Variants in CD55 observed in about 807,000 individuals in gnomAD.
The protein encoded by CD55 is complement decay-accelerating factor.
In CD55, 41 loss-of-function variants were observed where a neutral mutation model predicts 45.8. That is an observed-to-expected ratio of 0.90 (90% CI 0.70 to 1.16). The LOEUF (loss-of-function observed/expected upper bound fraction) is 1.16. Ranked by LOEUF, CD55 falls within the 50% of genes most tolerant of loss-of-function variation. The pLI is 0.00. For missense variants in CD55, 416 were observed against 469.8 expected (o/e 0.89, Z 1.06); for synonymous variants, 181 against 181.1 (o/e 1.00, Z 0.01).
At chr1:207,326,721 C>G in intron 4 of CD55, 31 bp from the exon 5 acceptor site, 1 of 1,534,392 alleles carries the variant, frequency 6.5e-7, no homozygotes, top group Non-Finnish European at 9.0e-7. Context: ...GTGAATGTAA[C>G]AAACTCTTTT....
intron 7 of CD55, 55 bp downstream of exon 7, chr1:207,336,873 C>A: frequency 6.2e-7 from 1 of 1,603,770 alleles, no homozygotes; most frequent in Non-Finnish European, 8.5e-7. Context: ...GTTTCAGCTA[C>A]AAGAACCCCA....
At chr1:207,357,006 G>A (rs1656102333) in intron 9 of CD55, among the ~76,000 whole-genome samples, 1 of 152,080 alleles carries the variant, frequency 6.6e-6, no homozygotes, top group African/African-American at 2.4e-5. Context: ...ATTTAATGCT[G>A]TTATTAAATT....
chr1:207,348,449 T>G (rs1655735399), intron 9 of CD55, among the ~76,000 whole-genome samples: 1 of 152,256 alleles, frequency 6.6e-6, no homozygotes, highest in African/African-American at 2.4e-5. Flanking sequence ...TTTAAGTTCC[T>G]TAGAGATTTT....
intron 9 of CD55, among the ~76,000 whole-genome samples, chr1:207,345,164 G>A (rs932004101): frequency 4.6e-5 from 7 of 152,064 alleles, no homozygotes; most frequent in Non-Finnish European, 8.8e-5. Context: ...CACCTTCTGA[G>A]ACTCCTAAAA....
At chr1:207,323,193 G>GAT (rs140125684) in intron 2 of CD55, among the ~76,000 whole-genome samples, 74 of 149,324 alleles carry the variant, frequency 5.0e-4, no homozygotes, top group Middle Eastern at 7.0e-3. Context: ...ATATAATTGG[G>GAT]ATATATATAT....
chr1:207,326,409 A>G (rs1173546797), intron 4 of CD55, among the ~76,000 whole-genome samples: 2 of 152,212 alleles, frequency 1.3e-5, no homozygotes, highest in Non-Finnish European at 2.9e-5. Flanking sequence ...TTTAAATATA[A>G]GTACATTCTA....
chr1:207,357,564 C>T (rs1286948053), intron 9 of CD55, among the ~76,000 whole-genome samples: 1 of 1,580 alleles, frequency 6.3e-4, no homozygotes, highest in East Asian at 0.016. Flanking sequence ...GGAGACTGGG[C>T]GGGGGAGGGC....
intron 7 of CD55, 78 bp from the exon 8 acceptor site, chr1:207,337,250 CG>C: frequency 1.1e-6 from 1 of 918,226 alleles, no homozygotes. Flanking sequence ...TTCAGCAGCA[CG>C]TAAGTCCACT....
intron 9 of CD55, among the ~76,000 whole-genome samples, chr1:207,348,161 G>A (rs28739007): frequency 0.015 from 2,299 of 152,258 alleles, 32 homozygotes; most frequent in Middle Eastern, 0.031. Flanking sequence ...TTCCACAGAG[G>A]CTGAACTAAT....
chr1:207,353,959 A>G (rs1572902427), intron 9 of CD55: 13 of 1,517,412 alleles, frequency 8.6e-6, no homozygotes, highest in South Asian at 2.4e-5. Flanking sequence ...AAACCTTTCC[A>G]TAACTTTTTG....
At position 207,337,385 on chromosome 1, in the gene CD55, A is replaced by C; in HGVS notation, c.1036A>C (p.Asn346His). The C allele has an allele frequency of 6.2e-7, 1 of 1,608,050 alleles. No individual in the cohort carries two copies. The highest frequency in any genetic ancestry group is 8.5e-7 in the Non-Finnish European group (1 of 1,174,512). Residue 346 changes from asparagine to histidine, a missense_variant, in exon 8 of 10, where the codon AAT (asparagine) becomes CAT (histidine). Asn to His is a moderately conservative substitution (Grantham distance 68). Around this residue, in one of 3 missense-constraint regions of CD55, gnomAD observed 182 missense variants for 201.4 expected, o/e 0.90. Transcript: ENST00000367064. Reference sequence around the variant, plus strand: ...CAAGCATTTTCATGAAACAACCCCAAATAAAGGAAGTGGAACCACTTCAGG... The same window carrying C: ...CAAGCATTTTCATGAAACAACCCCACATAAAGGAAGTGGAACCACTTCAGG... ...TTKHFHETTP[N>H]KGSGTTSGTT... is the part of the protein sequence containing the mutation.
At chr1:207,334,887 A>G (rs1655100581) in intron 6 of CD55, among the ~76,000 whole-genome samples, 1 of 120,392 alleles carries the variant, frequency 8.3e-6, no homozygotes, top group African/African-American at 3.1e-5. Context: ...ACTTAAAAAG[A>G]TTTTAAAAAG....
At chr1:207,350,721 T>G (rs1276755367) in intron 9 of CD55, among the ~76,000 whole-genome samples, 1 of 152,158 alleles carries the variant, frequency 6.6e-6, no homozygotes, top group African/African-American at 2.4e-5. Flanking sequence ...CATCTGAGAT[T>G]GTGTTTATTT....
At chr1:207,351,644 A>G (rs1655873344) in intron 9 of CD55, among the ~76,000 whole-genome samples, 1 of 152,200 alleles carries the variant, frequency 6.6e-6, no homozygotes, top group Admixed American at 6.5e-5. Context: ...AAAGATTCCA[A>G]CTGTTGGAAT....
chr1:207,324,298 ATTTTTT>A, intron 2 of CD55, among the ~76,000 whole-genome samples: 1 of 144,684 alleles, frequency 6.9e-6, no homozygotes, highest in Admixed American at 6.9e-5. Flanking sequence ...GGCAACTTAA[ATTTTTT>A]TTTTTTTTTA....
At chr1:207,350,020 G>C in intron 9 of CD55, 1 of 427,906 alleles carries the variant, frequency 2.3e-6, no homozygotes, top group Admixed American at 2.7e-5. Flanking sequence ...TTATTATTTT[G>C]TGGTATGTTC....
intron 9 of CD55, 112 bp from the exon 10 acceptor site, chr1:207,359,434 A>G (rs1656201175): frequency 2.7e-6 from 3 of 1,122,774 alleles, no homozygotes; most frequent in Non-Finnish European, 2.4e-6. Flanking sequence ...ACCCCAAATT[A>G]ACTGATTCTT....
At chr1:207,328,952 G>A (rs774153078) in intron 5 of CD55, among the ~76,000 whole-genome samples, 3 of 152,194 alleles carry the variant, frequency 2.0e-5, no homozygotes, top group Non-Finnish European at 2.9e-5. Flanking sequence ...CACACTGTAT[G>A]GGTTCTCTGG....
In CD55 at chr1:207,322,564, A is replaced by C; in HGVS notation, c.283A>C (p.Asn95His). The change falls in exon 2 of 10, where the codon AAT becomes CAT. Residue 95 changes from asparagine (N) to histidine (H), a missense_variant. Asn to His is a moderately conservative substitution (Grantham distance 68). Coordinates refer to ENST00000367064, the MANE Select transcript of CD55 (RefSeq NM_000574.5). ...SQWSDIEEFCNRSCEVPTRLN... is the reference protein window; with the variant it reads ...SQWSDIEEFCHRSCEVPTRLN... Reference sequence around the variant, plus strand: ...ATGGTCAGATATTGAAGAGTTCTGCAATCGTAAGTTCTTCATCTTTTTAGA... The same window carrying C: ...ATGGTCAGATATTGAAGAGTTCTGCCATCGTAAGTTCTTCATCTTTTTAGA... 6 of 1,595,294 alleles carry C rather than the reference A, an allele frequency of 3.8e-6. No homozygotes were observed. Among genetic ancestry groups the C allele is most frequent in the Non-Finnish European group, 4.3e-6 (5 of 1,173,926 alleles).
Sources: allele counts gnomAD v4.1 joint callset (sites outside exome capture counted in the v4.1 genomes callset), GRCh38; gene constraint gnomAD v4.1.1; regional missense constraint gnomAD v4.1.1; transcripts MANE v1.5; gene names NCBI Gene and HGNC (gene_info 2026-07-23, HGNC 2026-07-21).